Variants in LINGO2 observed in about 807,000 individuals in gnomAD.
The protein encoded by LINGO2 is leucine-rich repeat and immunoglobulin-like domain-containing nogo receptor-interacting protein 2.
LINGO2 carries 14 observed loss-of-function variants against 30.6 expected under a neutral mutation model. That is an observed-to-expected ratio of 0.46 (90% CI 0.30 to 0.72). LINGO2 has a LOEUF of 0.72. Ranked by LOEUF, LINGO2 falls within the 30% of genes least tolerant of loss-of-function variation. The pLI, the probability that LINGO2 is intolerant of heterozygous loss-of-function variation, is 0.07. For missense variants in LINGO2, 729 were observed against 751.7 expected, an observed-to-expected ratio of 0.97 and a Z score of 0.35; for synonymous variants, 317 against 288.5, an observed-to-expected ratio of 1.10 and a Z score of -1.00.
intron 5 of LINGO2, among the ~76,000 whole-genome samples, chr9:27,954,145 C>G (rs1455582142): frequency 6.6e-6 from 1 of 152,090 alleles, no homozygotes; most frequent in Non-Finnish European, 1.5e-5. Context: ...ATGTAATGAT[C>G]AAGTTAGAGT....
At chr9:28,152,347 C>T (rs1441002096) in intron 4 of LINGO2, among the ~76,000 whole-genome samples, 2 of 152,142 alleles carry the variant, frequency 1.3e-5, no homozygotes, top group Admixed American at 1.3e-4. Context: ...GTGACCTCTG[C>T]ACACATTGGC....
At chr9:28,937,843 A>G in the LINGO2 span, among the ~76,000 whole-genome samples, 1 of 151,930 alleles carries the variant, frequency 6.6e-6, no homozygotes, top group African/African-American at 2.4e-5. Context: ...AGTTTGTTAC[A>G]TAGGTAACAT....
intron 2 of LINGO2, among the ~76,000 whole-genome samples, chr9:28,425,043 C>T (rs1030554775): frequency 7.3e-5 from 11 of 151,638 alleles, no homozygotes; most frequent in African/African-American, 1.9e-4. Flanking sequence ...AGGTCTTAAA[C>T]GGGTTATTTT....
intron 4 of LINGO2, among the ~76,000 whole-genome samples, chr9:28,162,175 A>T (rs1345760887): frequency 6.6e-6 from 1 of 152,146 alleles, no homozygotes; most frequent in African/African-American, 2.4e-5. Flanking sequence ...CTTATGAGAA[A>T]ATGCAGACAA....
At chr9:29,209,790 A>C in the LINGO2 span, among the ~76,000 whole-genome samples, 1 of 152,212 alleles carries the variant, frequency 6.6e-6, no homozygotes, top group South Asian at 2.1e-4. Context: ...TTATAAATAC[A>C]GTACTCAGAG....
the LINGO2 span, among the ~76,000 whole-genome samples, chr9:28,781,358 T>C: frequency 2.6e-5 from 4 of 152,098 alleles, no homozygotes; most frequent in Admixed American, 1.3e-4. Flanking sequence ...TGCATTCAAA[T>C]CATAAGATTT....
the LINGO2 span, among the ~76,000 whole-genome samples, chr9:29,209,349 G>C: frequency 9.2e-5 from 14 of 152,112 alleles, no homozygotes; most frequent in African/African-American, 2.9e-4. Flanking sequence ...CCACCTTCTA[G>C]TCAATTTTTG....
intron 2 of LINGO2, among the ~76,000 whole-genome samples, chr9:28,430,105 C>CGT (rs1282819258): frequency 6.6e-5 from 2 of 30,308 alleles, no homozygotes; most frequent in Admixed American, 4.6e-4. Flanking sequence ...CACGCGCGCG[C>CGT]GCGCGTGTGT....
chr9:28,154,169 G>A (rs1828071572), intron 4 of LINGO2, among the ~76,000 whole-genome samples: 1 of 152,152 alleles, frequency 6.6e-6, no homozygotes, highest in Admixed American at 6.5e-5. Flanking sequence ...CAGAGGTAAA[G>A]GAAGTGGGTT....
At chr9:27,951,712 T>C (rs1175453998) in intron 5 of LINGO2, among the ~76,000 whole-genome samples, 2 of 152,130 alleles carry the variant, frequency 1.3e-5, no homozygotes, top group Non-Finnish European at 2.9e-5. Flanking sequence ...GGGGTACACT[T>C]TATCCACGAA....
chr9:28,284,431 T>C (rs944100519), intron 4 of LINGO2, among the ~76,000 whole-genome samples: 4 of 152,210 alleles, frequency 2.6e-5, no homozygotes, highest in African/African-American at 9.6e-5. Flanking sequence ...ATTGTCTGTG[T>C]TTATCCCATT....
intron 4 of LINGO2, among the ~76,000 whole-genome samples, chr9:28,099,687 A>C (rs1826353078): frequency 6.6e-6 from 1 of 152,176 alleles, no homozygotes; most frequent in Non-Finnish European, 1.5e-5. Context: ...ATATGATAAT[A>C]TTAGTCTTTA....
At chr9:28,427,376 A>T (rs1377270068) in intron 2 of LINGO2, among the ~76,000 whole-genome samples, 1 of 152,074 alleles carries the variant, frequency 6.6e-6, no homozygotes, top group Non-Finnish European at 1.5e-5. Context: ...TATGAATACG[A>T]TCACTTCACT....
intron 1 of LINGO2, among the ~76,000 whole-genome samples, chr9:28,597,850 C>T (rs545730760): frequency 1.3e-5 from 2 of 152,260 alleles, no homozygotes; most frequent in African/African-American, 4.8e-5. Flanking sequence ...CTGCAACCTC[C>T]ACCTCCTGGG....
intron 4 of LINGO2, among the ~76,000 whole-genome samples, chr9:28,092,934 T>A (rs1345142379): frequency 6.6e-6 from 1 of 152,060 alleles, no homozygotes; most frequent in African/African-American, 2.4e-5. Flanking sequence ...ATCATGGCTT[T>A]TAATTCTTAT....
At chr9:28,017,151 TA>T (rs1822880409) in intron 4 of LINGO2, among the ~76,000 whole-genome samples, 1 of 152,254 alleles carries the variant, frequency 6.6e-6, no homozygotes, top group Admixed American at 6.5e-5. Context: ...CCCTTCATGT[TA>T]AAAACTCTCA....
At chr9:28,558,711 T>C (rs1251755090) in intron 1 of LINGO2, among the ~76,000 whole-genome samples, 1 of 152,030 alleles carries the variant, frequency 6.6e-6, no homozygotes, top group African/African-American at 2.4e-5. Flanking sequence ...TTTAACTTTC[T>C]GCACTGTCAT....
chr9:28,830,322 TG>T, the LINGO2 span, among the ~76,000 whole-genome samples: 1 of 151,876 alleles, frequency 6.6e-6, no homozygotes, highest in Admixed American at 6.6e-5. Context: ...ATGAGTGGGG[TG>T]GGGGCCAGGC....
intron 1 of LINGO2, among the ~76,000 whole-genome samples, chr9:28,563,661 T>A (rs756607964): frequency 6.6e-6 from 1 of 150,908 alleles, no homozygotes; most frequent in African/African-American, 2.5e-5. Context: ...TGATGAGTGC[T>A]TTCTCTGTTG....
Sources: gnomAD v4.1 joint callset for allele counts (sites outside exome capture counted in the v4.1 genomes callset) on GRCh38, gnomAD v4.1.1 for gene constraint, MANE v1.5 for transcripts, NCBI Gene and HGNC (gene_info 2026-07-23, HGNC 2026-07-21) for gene names.